KIAA1549L: variants seen among roughly 807,000 people sequenced by gnomAD.
KIAA1549L encodes UPF0606 protein KIAA1549L.
A neutral mutation model predicts 160.7 loss-of-function variants in KIAA1549L; 88 were observed. The ratio of observed to expected loss-of-function variants is 0.55; its 90% confidence interval spans 0.46 to 0.65. KIAA1549L has a LOEUF of 0.65. Ranked by LOEUF, KIAA1549L falls within the 30% of genes least tolerant of loss-of-function variation. The probability of loss-of-function intolerance (pLI) is 0.00; values close to 1 mark genes in which losing one functional copy is unlikely to be tolerated. For synonymous variants in KIAA1549L, 950 were observed against 976.7 expected (o/e 0.97, Z 0.51); for missense variants, 2,258 against 2,437.5 (o/e 0.93, Z 1.55).
At chr11:33,631,004 A>G (rs898349038) in intron 16 of KIAA1549L, among the ~76,000 whole-genome samples, 7 of 152,196 alleles carry the variant, frequency 4.6e-5, no homozygotes, top group Non-Finnish European at 1.0e-4. Context: ...AGGCACGTGC[A>G]ACGTACTGTG....
At chr11:33,495,033 A>G (rs1479499552) in intron 1 of KIAA1549L, among the ~76,000 whole-genome samples, 1 of 152,208 alleles carries the variant, frequency 6.6e-6, no homozygotes, top group Admixed American at 6.5e-5. Flanking sequence ...GGAATTGTCA[A>G]GTGCCTTAGG....
intron 11 of KIAA1549L, among the ~76,000 whole-genome samples, chr11:33,588,592 C>T (rs780318511): frequency 4.6e-5 from 7 of 152,076 alleles, no homozygotes; most frequent in Non-Finnish European, 7.4e-5. Context: ...ACATTTCAGA[C>T]GTTGAATCTA....
intron 1 of KIAA1549L, among the ~76,000 whole-genome samples, chr11:33,479,473 G>A (rs1398058795): frequency 6.6e-6 from 1 of 152,254 alleles, no homozygotes; most frequent in Non-Finnish European, 1.5e-5. Flanking sequence ...GCAACAGTGG[G>A]CAGGAGGTCT....
At position 33,598,931 on chromosome 11, in the gene KIAA1549L, G is replaced by A; in HGVS notation, c.4863G>A (p.Glu1621=). ...VMAQQKVTKE[E]ARKRNVPASD... ...CACAGCAGAAAGTGACAAAGGAGGA[G>A]GCAAGGAAGAGAAATGGTGAGAAGC... The change falls in exon 13 of 21, where the codon GAG becomes GAA. Residue 1621 remains glutamate, a synonymous_variant. Transcript: ENST00000658780. 1.2e-6 allele frequency: 2 copies of A among 1,613,570 alleles called. No homozygotes were observed. Among genetic ancestry groups the A allele is most frequent in the Non-Finnish European group, 1.7e-6 (2 of 1,179,736 alleles).
chr11:33,608,347 C>T (rs1472451259), intron 14 of KIAA1549L, among the ~76,000 whole-genome samples: 1 of 152,340 alleles, frequency 6.6e-6, no homozygotes, highest in South Asian at 2.1e-4. Flanking sequence ...TTGTTGTTAT[C>T]ACCACCCATT....
rs142278838 is a variant in KIAA1549L at position 33,646,485 on chromosome 11, T to C, written c.5760+449T>C. Among the ~76,000 whole-genome samples the C allele has an allele frequency of 1.2e-3, 187 of 152,306 alleles. 1 individual carries two copies. The highest frequency in any genetic ancestry group is 2.1e-3 in the Non-Finnish European group (144 of 68,036). ...AAATCTCAGGTCTACCAGATGAAAG[T>C]TGACAGAATCAGAATGGAATCACTT... On this transcript the variant is annotated intron_variant, in intron 17 of 20. Transcript: ENST00000658780.
intron 17 of KIAA1549L, among the ~76,000 whole-genome samples, chr11:33,646,574 G>A (rs1374799933): frequency 6.6e-6 from 1 of 151,970 alleles, no homozygotes; most frequent in African/African-American, 2.4e-5. Flanking sequence ...GAAGGCCAGG[G>A]AGAGTTTCAT....
intron 1 of KIAA1549L, among the ~76,000 whole-genome samples, chr11:33,391,890 A>G (rs1850279409): frequency 6.6e-6 from 1 of 152,212 alleles, no homozygotes; most frequent in Admixed American, 6.5e-5. Flanking sequence ...TTTTTACAAG[A>G]TTCTTCTTTC....
intron 12 of KIAA1549L, among the ~76,000 whole-genome samples, chr11:33,597,421 C>T (rs1256752777): frequency 6.6e-6 from 1 of 152,104 alleles, no homozygotes; most frequent in African/African-American, 2.4e-5. Flanking sequence ...AGAGGAGCAT[C>T]CGGAAGGATA....
chr11:33,622,887 G>A (rs149641692), intron 16 of KIAA1549L, among the ~76,000 whole-genome samples: 44 of 152,300 alleles, frequency 2.9e-4, no homozygotes, highest in African/African-American at 9.4e-4. Context: ...AGGCCTGGGC[G>A]CGTTGTCTGA....
chr11:33,613,547 G>C (rs1193777604), intron 15 of KIAA1549L, among the ~76,000 whole-genome samples: 2 of 152,184 alleles, frequency 1.3e-5, no homozygotes, highest in African/African-American at 2.4e-5. Flanking sequence ...AAGCAAAAGA[G>C]ATCTGGGGCA....
rs554890125 is a variant in KIAA1549L at position 33,550,054 on chromosome 11, A to C, written c.3502-986A>C. 7.9e-3 allele frequency among the ~76,000 whole-genome samples: 1,167 copies of C among 148,078 alleles called. 21 individuals carry two copies. Among genetic ancestry groups the C allele is most frequent in the African/African-American group, 0.027 (1,093 of 40,130 alleles). On this transcript the variant is annotated intron_variant, in intron 4 of 20. Transcript: ENST00000658780. ...ACAAAAAAAGAAACAAAAAAAAAAA[A>C]CACAAAATGAAACCCTGAGTTCCAG...
chr11:33,517,369 G>A (rs1476535385), intron 1 of KIAA1549L, among the ~76,000 whole-genome samples: 2 of 152,166 alleles, frequency 1.3e-5, no homozygotes, highest in Non-Finnish European at 2.9e-5. Context: ...TGGGAAGAAA[G>A]GAGACTAATG....
At chr11:33,599,159 C>A (rs1431958020) in intron 13 of KIAA1549L, 4 of 426,060 alleles carry the variant, frequency 9.4e-6, no homozygotes, top group Non-Finnish European at 8.4e-6. Flanking sequence ...CTCACTTCCT[C>A]CGCCCCTGTT....
chr11:33,408,489 G>GTGTGTGTATATA (rs34208718), intron 1 of KIAA1549L, among the ~76,000 whole-genome samples: 1 of 123,076 alleles, frequency 8.1e-6, no homozygotes, highest in African/African-American at 3.2e-5. Context: ...CTGTATATGT[G>GTGTGTGTATATA]TATATATATA....
chr11:33,411,740 T>C (rs993294910), intron 1 of KIAA1549L, among the ~76,000 whole-genome samples: 2 of 152,234 alleles, frequency 1.3e-5, no homozygotes, highest in African/African-American at 4.8e-5. Context: ...TCGTGGAGTG[T>C]ATTTACAGTT....
intron 1 of KIAA1549L, among the ~76,000 whole-genome samples, chr11:33,409,868 C>T (rs1403367741): frequency 6.7e-6 from 1 of 148,962 alleles, no homozygotes; most frequent in Admixed American, 6.8e-5. Flanking sequence ...AAACTCAATA[C>T]AATATAAAGT....
chr11:33,468,042 T>G (rs1484484148), intron 1 of KIAA1549L, among the ~76,000 whole-genome samples: 1 of 152,212 alleles, frequency 6.6e-6, no homozygotes, highest in East Asian at 1.9e-4. Context: ...ACAAAACATT[T>G]AATTCCCTGT....
chr11:33,587,100 ATTAAG>A (rs1264250033), intron 11 of KIAA1549L, among the ~76,000 whole-genome samples: 1 of 152,208 alleles, frequency 6.6e-6, no homozygotes. Context: ...TGTTGTGAGG[ATTAAG>A]TTAATATATA....
Sources: allele counts gnomAD v4.1 joint callset (sites outside exome capture counted in the v4.1 genomes callset), GRCh38; gene constraint gnomAD v4.1.1; transcripts MANE v1.5; gene names NCBI Gene and HGNC (gene_info 2026-07-23, HGNC 2026-07-21).